Variants in NDST3 observed in about 807,000 individuals in gnomAD.
The protein encoded by NDST3 is N-deacetylase and N-sulfotransferase 3, also known as bifunctional heparan sulfate N-deacetylase/N-sulfotransferase 3.
NDST3 carries 58 observed loss-of-function variants against 96.1 expected under a neutral mutation model. The observed-to-expected ratio is 0.60, with a 90% CI of 0.49 to 0.75. The LOEUF (loss-of-function observed/expected upper bound fraction) is 0.75, where lower values mean the gene tolerates loss of function less well. Ranked by LOEUF, NDST3 falls within the 30% of genes least tolerant of loss-of-function variation. NDST3 has a pLI of 0.00. For synonymous variants in NDST3, 333 were observed against 359.7 expected (o/e 0.93, Z 0.84); for missense variants, 788 against 1,034.2 (o/e 0.76, Z 3.27).
chr4:118,087,989 CGTT>C (rs1324185677), intron 2 of NDST3, among the ~76,000 whole-genome samples: 2 of 151,966 alleles, frequency 1.3e-5, no homozygotes, highest in African/African-American at 2.4e-5. Context: ...AGAGTTATAA[CGTT>C]GTATCATTTT....
At chr4:118,138,424 A>G (rs1220185138) in intron 5 of NDST3, among the ~76,000 whole-genome samples, 185 bp downstream of exon 5, 2 of 152,360 alleles carry the variant, frequency 1.3e-5, no homozygotes, top group African/African-American at 4.8e-5. Flanking sequence ...AATTCTTCAA[A>G]TATAACTGAA....
intron 8 of NDST3, among the ~76,000 whole-genome samples, chr4:118,227,803 A>G (rs1054763843): frequency 6.6e-5 from 10 of 151,978 alleles, no homozygotes; most frequent in African/African-American, 1.9e-4. Context: ...TAGTAGAGAC[A>G]GGGTTTCACC....
At chr4:118,201,349 A>G (rs1170338970) in intron 6 of NDST3, among the ~76,000 whole-genome samples, 1 of 152,220 alleles carries the variant, frequency 6.6e-6, no homozygotes, top group Non-Finnish European at 1.5e-5. Flanking sequence ...AGGTTCTTTG[A>G]GAAATCTCCA....
At chr4:118,095,075 G>T (rs1205628646) in intron 2 of NDST3, among the ~76,000 whole-genome samples, 1 of 151,708 alleles carries the variant, frequency 6.6e-6, no homozygotes, top group Non-Finnish European at 1.5e-5. Flanking sequence ...ACAGAGCTGG[G>T]TGAAATTTTA....
rs1376358791 is a variant in NDST3 at position 118,208,186 on chromosome 4, C to T, written c.1540-16305C>T. 4.9e-5 allele frequency among the ~76,000 whole-genome samples: 7 copies of T among 143,698 alleles called. 1 individual carries two copies. The highest frequency in any genetic ancestry group is 7.7e-5 in the Non-Finnish European group (5 of 64,930). The allele number at this position is 143,698 out of a possible 152,430, so 94.3% of individuals were successfully genotyped here. On this transcript the variant is annotated intron_variant, in intron 6 of 13. Coordinates refer to ENST00000296499, the MANE Select transcript of NDST3 (RefSeq NM_004784.3). ...TACACCAAATGTGAATCTACCACTG[C>T]AAAATTTTTAATAGATACATGGTTT...
At chr4:118,132,923 C>T (rs10440400) in intron 4 of NDST3, among the ~76,000 whole-genome samples, 124,201 of 152,090 alleles carry the variant, frequency 0.82, 53,005 homozygotes, top group South Asian at 0.95. Context: ...GTAGCTGAGC[C>T]GGTATCCAAG....
At position 118,058,697 on chromosome 4, in the gene NDST3, C is replaced by T. The variant is rs187463481; in HGVS notation, c.981+3806C>T. On this transcript the variant is annotated intron_variant, in intron 2 of 13. Coordinates refer to ENST00000296499, the MANE Select transcript of NDST3 (RefSeq NM_004784.3). ...TGGACTATTGGATGAGTTTTAGTGACGTTCAAAATTTCAAGTTCCTTGTGA... is the reference window on the plus strand; with the variant it reads ...TGGACTATTGGATGAGTTTTAGTGATGTTCAAAATTTCAAGTTCCTTGTGA... Among the ~76,000 whole-genome samples, 7 of 151,080 alleles carry T rather than the reference C, an allele frequency of 4.6e-5. No homozygotes were observed. In the East Asian group the frequency reaches 9.8e-4, roughly 21 times the overall value.
chr4:118,121,011 T>G (rs1036051362), intron 4 of NDST3, among the ~76,000 whole-genome samples: 3 of 151,186 alleles, frequency 2.0e-5, no homozygotes, highest in Non-Finnish European at 4.5e-5. Flanking sequence ...GTATTTATTT[T>G]TATCCAGTTG....
intron 9 of NDST3, among the ~76,000 whole-genome samples, chr4:118,235,417 G>T (rs562311683): frequency 7.9e-5 from 12 of 152,254 alleles, no homozygotes; most frequent in African/African-American, 2.6e-4. Flanking sequence ...GCAAACAAGA[G>T]CTGTGCCCTG....
rs1742172566 is a variant in NDST3 at position 118,257,196 on chromosome 4, T to A, written c.*1484T>A. The A allele has an allele frequency of 6.6e-6, 1 of 152,092 alleles. No individual in the cohort carries two copies. The allele number at this position is 152,092 out of a possible 1,614,324, so 9.4% of individuals were successfully genotyped here. A position where few individuals can be genotyped will look rare whatever the true frequency, so the allele number is the denominator to read the frequency against. ...CTATGTCACCCAGGCTGGAGTGCAATGGTGTGATCTCAGCTCACTGCAACC... is the reference window on the plus strand; with the variant it reads ...CTATGTCACCCAGGCTGGAGTGCAAAGGTGTGATCTCAGCTCACTGCAACC... On this transcript the variant is annotated 3_prime_UTR_variant, in exon 14 of 14. Coordinates refer to ENST00000296499, the MANE Select transcript of NDST3 (RefSeq NM_004784.3).
intron 2 of NDST3, among the ~76,000 whole-genome samples, chr4:118,097,692 T>A (rs963783456): frequency 3.3e-5 from 5 of 152,002 alleles, no homozygotes; most frequent in African/African-American, 1.2e-4. Flanking sequence ...TAATTTGAAA[T>A]CAAATGTTTT....
chr4:118,187,521 T>C (rs763329552), intron 6 of NDST3, among the ~76,000 whole-genome samples: 3 of 152,208 alleles, frequency 2.0e-5, no homozygotes, highest in Non-Finnish European at 4.4e-5. Flanking sequence ...ACATTTGTTG[T>C]TCGTATTGGT....
intron 1 of NDST3, among the ~76,000 whole-genome samples, chr4:118,050,194 A>T (rs1724999695): frequency 6.6e-6 from 1 of 152,184 alleles, no homozygotes; most frequent in South Asian, 2.1e-4. Context: ...CTTCATGATA[A>T]AAACCCTTAA....
At chr4:118,065,977 T>C (rs537089723) in intron 2 of NDST3, among the ~76,000 whole-genome samples, 2 of 145,684 alleles carry the variant, frequency 1.4e-5, no homozygotes, top group Non-Finnish European at 3.0e-5. Context: ...GTGTAGAAAT[T>C]AGACCAACTT....
intron 2 of NDST3, among the ~76,000 whole-genome samples, chr4:118,056,086 C>T (rs1872771): frequency 0.75 from 114,236 of 151,766 alleles, 45,634 homozygotes; most frequent in South Asian, 0.92. Flanking sequence ...AAATTAAAAC[C>T]AAGCTGGTAG....
At chr4:118,095,784 A>G (rs898685434) in intron 2 of NDST3, among the ~76,000 whole-genome samples, 1 of 151,924 alleles carries the variant, frequency 6.6e-6, no homozygotes, top group Non-Finnish European at 1.5e-5. Flanking sequence ...CTATGGCTGT[A>G]CATACTCTAG....
chr4:118,221,204 TGA>T (rs1031935487), intron 6 of NDST3, among the ~76,000 whole-genome samples: 1 of 152,050 alleles, frequency 6.6e-6, no homozygotes, highest in Admixed American at 6.6e-5. Flanking sequence ...ACTGGTTGGC[TGA>T]GAGAAAGAGT....
intron 13 of NDST3, 92 bp downstream of exon 13, chr4:118,253,693 T>C (rs959333455): frequency 3.4e-6 from 3 of 872,214 alleles, no homozygotes; most frequent in Admixed American, 2.6e-5. Context: ...AAAGTCAAAA[T>C]TCAGCCTTTC....
At chr4:118,225,342 G>T (rs946713436) in intron 7 of NDST3, among the ~76,000 whole-genome samples, 2 of 152,150 alleles carry the variant, frequency 1.3e-5, no homozygotes, top group Non-Finnish European at 2.9e-5. Context: ...TCCATGATCT[G>T]TGAAAAATAA....
Sources: allele counts gnomAD v4.1 joint callset (sites outside exome capture counted in the v4.1 genomes callset), GRCh38; gene constraint gnomAD v4.1.1; transcripts MANE v1.5; gene names NCBI Gene and HGNC (gene_info 2026-07-23, HGNC 2026-07-21).